The following ASAP1 variants were observed in gnomAD, a reference collection of about 807,000 sequenced individuals.
ASAP1 encodes the protein ArfGAP with SH3 domain, ankyrin repeat and PH domain 1.
ASAP1 carries 43 observed loss-of-function variants against 145.2 expected under a neutral mutation model. The observed-to-expected ratio is 0.30, with a 90% CI of 0.23 to 0.38. The LOEUF is 0.38. ASAP1 is among the 10% of genes least tolerant of loss of function. The pLI, the probability that ASAP1 is intolerant of heterozygous loss-of-function variation, is 1.00. For missense variants in ASAP1, 1,018 were observed against 1,355.3 expected, an observed-to-expected ratio of 0.75 and a Z score of 3.91; for synonymous variants, 546 against 515.5, an observed-to-expected ratio of 1.06 and a Z score of -0.80.
chr8:130,073,124 T>A (rs1014438769), intron 27 of ASAP1, among the ~76,000 whole-genome samples: 1 of 151,098 alleles, frequency 6.6e-6, no homozygotes, highest in Non-Finnish European at 1.5e-5. Flanking sequence ...TGGTAGGAGA[T>A]AGAAATGTGG....
At chr8:130,431,721 C>T (rs1387088779) in intron 1 of ASAP1, among the ~76,000 whole-genome samples, 1 of 151,842 alleles carries the variant, frequency 6.6e-6, no homozygotes, top group African/African-American at 2.4e-5. Flanking sequence ...ATGTCTGGCC[C>T]CCATTCATAT....
chr8:130,249,127 C>G (rs1345920131), intron 3 of ASAP1, among the ~76,000 whole-genome samples: 1 of 152,044 alleles, frequency 6.6e-6, no homozygotes, highest in Non-Finnish European at 1.5e-5. Flanking sequence ...TTAATCATGC[C>G]CCAGCCAGGT....
chr8:130,072,824 T>TGTGCGTGTGCGCGCGCGCGCGC lies in ASAP1; in HGVS notation c.2701+3523_2701+3524insGCGCGCGCGCGCGCACACGCAC. Among the ~76,000 whole-genome samples the TGTGCGTGTGCGCGCGCGCGCGC allele has an allele frequency of 2.2e-4, 7 of 32,314 alleles. 1 individual carries two copies. The highest frequency in any genetic ancestry group is 7.2e-4 in the Admixed American group (2 of 2,788). The allele number at this position is 32,314 out of a possible 152,430, so 21.2% of individuals were successfully genotyped here. On this transcript the variant is annotated intron_variant, in intron 27 of 29. Transcript: ENST00000518721. Reference sequence around the variant, plus strand: ...GTGTGTGTGTGTGTGTGTGTGTGTGTGCGCGCGGGGGGGGGCAGTTTTGGG... The same window carrying TGTGCGTGTGCGCGCGCGCGCGC: ...GTGTGTGTGTGTGTGTGTGTGTGTGTGTGCGTGTGCGCGCGCGCGCGCGCGCGCGGGGGGGGGCAGTTTTGGG...
intron 1 of ASAP1, among the ~76,000 whole-genome samples, chr8:130,412,394 G>T (rs149456090): frequency 1.3e-5 from 2 of 151,804 alleles, no homozygotes; most frequent in African/African-American, 4.8e-5. Context: ...ACTGTGTTGC[G>T]CCTTGCTCTC....
chr8:130,439,517 C>G (rs1317820293), intron 1 of ASAP1, among the ~76,000 whole-genome samples: 1 of 152,104 alleles, frequency 6.6e-6, no homozygotes, highest in Non-Finnish European at 1.5e-5. Flanking sequence ...CGAATTTACC[C>G]TTACTGTGAG....
At chr8:130,275,861 C>T (rs1020263816) in intron 3 of ASAP1, among the ~76,000 whole-genome samples, 3 of 152,104 alleles carry the variant, frequency 2.0e-5, no homozygotes, top group African/African-American at 4.8e-5. Flanking sequence ...ACATTCCTCA[C>T]GGAGAACAAC....
intron 1 of ASAP1, among the ~76,000 whole-genome samples, chr8:130,440,962 C>G (rs1830468879): frequency 6.6e-6 from 1 of 152,232 alleles, no homozygotes. Context: ...TGTTGCTCAT[C>G]TCCTCCAGAG....
Position 130,357,323 on chromosome 8 carries a change from C to T in ASAP1, c.186+694G>A, listed in dbSNP as rs74532806. 3.4e-3 allele frequency among the ~76,000 whole-genome samples: 518 copies of T among 152,332 alleles called. 9 individuals are homozygous for T. Among genetic ancestry groups the T allele is most frequent in the East Asian group, 0.026 (135 of 5,174 alleles). On this transcript the variant is annotated intron_variant, in intron 3 of 29. Coordinates refer to ENST00000518721, the MANE Select transcript of ASAP1 (RefSeq NM_018482.4). ...CAAGCAGGCTGCACCGGCCTCCGATCTCCTTGTCCAGCCTCGGAGTGCCCT... is the reference window on the plus strand; with the variant it reads ...CAAGCAGGCTGCACCGGCCTCCGATTTCCTTGTCCAGCCTCGGAGTGCCCT...
At chr8:130,379,281 C>G (rs1038535288) in intron 2 of ASAP1, among the ~76,000 whole-genome samples, 1 of 152,162 alleles carries the variant, frequency 6.6e-6, no homozygotes, top group African/African-American at 2.4e-5. Context: ...TTCTATTGGG[C>G]TGTCCCTGAG....
At position 130,371,671 on chromosome 8, in the gene ASAP1, G is replaced by A. The variant is rs975190790; in HGVS notation, c.60-13528C>T. On this transcript the variant is annotated intron_variant, in intron 2 of 29. Coordinates refer to ENST00000518721, the MANE Select transcript of ASAP1 (RefSeq NM_018482.4). ...CTGCCTACTGTAATGTGGTTGTGAC[G>A]GCTGACACTCCAGCAACCATTTGGG... Among the ~76,000 whole-genome samples, 7 of 152,104 alleles carry A rather than the reference G, an allele frequency of 4.6e-5. No individual in the cohort carries two copies. In the South Asian group the frequency reaches 6.2e-4, roughly 14 times the overall value.
intron 2 of ASAP1, among the ~76,000 whole-genome samples, chr8:130,381,619 T>A (rs993649063): frequency 6.6e-6 from 1 of 152,146 alleles, no homozygotes; most frequent in Non-Finnish European, 1.5e-5. Context: ...TCCTCCAAGC[T>A]AGAAAAGAAT....
At chr8:130,146,016 G>GTTTT (rs376317332) in intron 13 of ASAP1, among the ~76,000 whole-genome samples, 3 of 123,658 alleles carry the variant, frequency 2.4e-5, no homozygotes, top group African/African-American at 6.0e-5. Flanking sequence ...TAAGTTTTGT[G>GTTTT]TTTTTTTTTT....
intron 3 of ASAP1, among the ~76,000 whole-genome samples, chr8:130,307,064 T>G (rs1300836064): frequency 2.6e-5 from 4 of 152,188 alleles, no homozygotes; most frequent in Non-Finnish European, 5.9e-5. Flanking sequence ...TTACTAAGTT[T>G]TTTCCACCCT....
chr8:130,220,847 T>C (rs1164463167), intron 4 of ASAP1, among the ~76,000 whole-genome samples: 1 of 151,854 alleles, frequency 6.6e-6, no homozygotes, highest in Non-Finnish European at 1.5e-5. Flanking sequence ...CAAGGAGAAG[T>C]ATGAGTAAAG....
chr8:130,175,631 A>C (rs1173797214), intron 9 of ASAP1, among the ~76,000 whole-genome samples: 1 of 152,136 alleles, frequency 6.6e-6, no homozygotes, highest in Non-Finnish European at 1.5e-5. Context: ...TTTCTTGATA[A>C]TATACTTCCA....
chr8:130,275,927 AT>A (rs148125041), intron 3 of ASAP1, among the ~76,000 whole-genome samples: 1 of 152,120 alleles, frequency 6.6e-6, no homozygotes, highest in Non-Finnish European at 1.5e-5. Context: ...TACCAGTCAC[AT>A]TTTTTTGCAG....
intron 4 of ASAP1, among the ~76,000 whole-genome samples, chr8:130,223,780 G>A (rs1015552592): frequency 6.6e-6 from 1 of 152,086 alleles, no homozygotes. Flanking sequence ...TTTCCTGGGA[G>A]CCTAGCCTCT....
intron 3 of ASAP1, among the ~76,000 whole-genome samples, chr8:130,311,761 CAAAA>C (rs201264577): frequency 1.2e-5 from 1 of 85,366 alleles, no homozygotes; most frequent in African/African-American, 5.4e-5. Flanking sequence ...AACTCCGTCT[CAAAA>C]AAAAAAAAAA....
chr8:130,289,274 T>G (rs1244395217), intron 3 of ASAP1, among the ~76,000 whole-genome samples: 5 of 151,962 alleles, frequency 3.3e-5, no homozygotes, highest in African/African-American at 1.2e-4. Flanking sequence ...TTATAATGAA[T>G]AAGAAGGCGT....
Sources: allele counts gnomAD v4.1 joint callset (sites outside exome capture counted in the v4.1 genomes callset), GRCh38; gene constraint gnomAD v4.1.1; transcripts MANE v1.5; gene names NCBI Gene and HGNC (gene_info 2026-07-23, HGNC 2026-07-21).